Variants in MYO1D observed in about 807,000 individuals in gnomAD.
The protein encoded by MYO1D is myosin ID.
A neutral mutation model predicts 122.0 loss-of-function variants in MYO1D; 83 were observed. That is an observed-to-expected ratio of 0.68 (90% CI 0.57 to 0.82). The LOEUF is 0.82. Ranked by LOEUF, MYO1D falls within the 40% of genes least tolerant of loss-of-function variation. MYO1D has a pLI of 0.00. For missense variants in MYO1D, 1,157 were observed against 1,269.5 expected, an observed-to-expected ratio of 0.91 and a Z score of 1.35; for synonymous variants, 464 against 446.9, an observed-to-expected ratio of 1.04 and a Z score of -0.48.
At chr17:32,588,881 T>G (rs1597914419) in intron 21 of MYO1D, among the ~76,000 whole-genome samples, 1 of 151,396 alleles carries the variant, frequency 6.6e-6, no homozygotes. Context: ...AGGTGGAGGG[T>G]GCAGTGAGCT....
At chr17:32,864,005 TCC>T (rs1295073475) in intron 1 of MYO1D, among the ~76,000 whole-genome samples, 3 of 132,284 alleles carry the variant, frequency 2.3e-5, no homozygotes, top group Admixed American at 1.6e-4. Context: ...AAACATTTCT[TCC>T]TTTTTTTTTT....
intron 21 of MYO1D, among the ~76,000 whole-genome samples, chr17:32,546,964 C>T (rs1202843258): frequency 6.7e-6 from 1 of 148,588 alleles, no homozygotes. Flanking sequence ...CTGGAGTGTA[C>T]AGTGGCACAA....
At chr17:32,842,069 C>A (rs2090888141) in intron 1 of MYO1D, among the ~76,000 whole-genome samples, 1 of 152,158 alleles carries the variant, frequency 6.6e-6, no homozygotes, top group Non-Finnish European at 1.5e-5. Flanking sequence ...GTAGTATTTT[C>A]TCCAGCAAGT....
At chr17:32,831,984 C>T (rs1285959292) in intron 1 of MYO1D, among the ~76,000 whole-genome samples, 2 of 152,162 alleles carry the variant, frequency 1.3e-5, no homozygotes, top group Non-Finnish European at 2.9e-5. Context: ...GGGTCCTCAT[C>T]TCAGCTCAGC....
chr17:32,687,381 T>C (rs576933686), intron 16 of MYO1D, among the ~76,000 whole-genome samples: 1 of 152,116 alleles, frequency 6.6e-6, no homozygotes, highest in South Asian at 2.1e-4. Context: ...TATTTTTCAG[T>C]GGAGACAGGG....
chr17:32,541,953 C>A (rs905753869), intron 21 of MYO1D, among the ~76,000 whole-genome samples: 13 of 152,178 alleles, frequency 8.5e-5, no homozygotes, highest in African/African-American at 3.1e-4. Context: ...CTTCACCCGG[C>A]TAATTCCTCT....
intron 12 of MYO1D, among the ~76,000 whole-genome samples, chr17:32,748,064 G>T (rs1205410585): frequency 6.6e-6 from 1 of 152,116 alleles, no homozygotes; most frequent in Non-Finnish European, 1.5e-5. Flanking sequence ...GAAAGAATAA[G>T]TTTTTGTTGA....
At chr17:32,580,894 G>T (rs1236809300) in intron 21 of MYO1D, among the ~76,000 whole-genome samples, 1 of 152,060 alleles carries the variant, frequency 6.6e-6, no homozygotes. Context: ...GCTCTTAATG[G>T]ACATTGGTCT....
At chr17:32,757,138 AGGTTTTAT>A (rs914486631) in intron 10 of MYO1D, among the ~76,000 whole-genome samples, 4 of 152,092 alleles carry the variant, frequency 2.6e-5, no homozygotes, top group Non-Finnish European at 4.4e-5. Context: ...TTAAAATCCA[AGGTTTTAT>A]GCCAGTTATT....
At chr17:32,797,523 T>C (rs2090427497) in intron 1 of MYO1D, among the ~76,000 whole-genome samples, 1 of 152,262 alleles carries the variant, frequency 6.6e-6, no homozygotes, top group African/African-American at 2.4e-5. Context: ...ATCACATTCA[T>C]ATAACTTTTA....
chr17:32,762,908 G>C (rs2151017679), intron 8 of MYO1D, among the ~76,000 whole-genome samples: 1 of 150,918 alleles, frequency 6.6e-6, no homozygotes, highest in East Asian at 1.9e-4. Context: ...CAAAAAAACG[G>C]CCGGGTGCGG....
rs150175939 is a variant in MYO1D at position 32,660,396 on chromosome 17, T to C, written c.2122-1058A>G. Among the ~76,000 whole-genome samples the C allele has an allele frequency of 3.3e-5, 5 of 152,360 alleles. 1 individual carries two copies. The East Asian group carries it at 9.6e-4, about 29-fold the overall frequency. ...TCTGCAGACTCCCTCAGGTTTCTTT[T>C]ATTTCTTCTTAAAAATCCCCGTCTG... On this transcript the variant is annotated intron_variant, in intron 16 of 21. Coordinates refer to ENST00000318217, the MANE Select transcript of MYO1D (RefSeq NM_015194.3).
intron 21 of MYO1D, among the ~76,000 whole-genome samples, chr17:32,525,045 T>C (rs1204747811): frequency 6.6e-6 from 1 of 152,220 alleles, no homozygotes. Context: ...TCAACTGTAT[T>C]TGGATTATAG....
At chr17:32,773,367 G>C (rs944942336) in intron 4 of MYO1D, among the ~76,000 whole-genome samples, 12 of 152,130 alleles carry the variant, frequency 7.9e-5, no homozygotes, top group Non-Finnish European at 1.8e-4. Context: ...GATTCGGGAA[G>C]ACAGTCTTCC....
chr17:32,789,723 T>C (rs2090331583), intron 1 of MYO1D, among the ~76,000 whole-genome samples: 1 of 152,160 alleles, frequency 6.6e-6, no homozygotes, highest in Non-Finnish European at 1.5e-5. Flanking sequence ...GGGAGAACAC[T>C]GTGCAATGAC....
intron 13 of MYO1D, among the ~76,000 whole-genome samples, chr17:32,740,865 T>C (rs2089764088): frequency 6.6e-6 from 1 of 152,066 alleles, no homozygotes; most frequent in Non-Finnish European, 1.5e-5. Context: ...ACCCAGTATG[T>C]ATAATAGGTA....
At chr17:32,854,445 C>A (rs1023176891) in intron 1 of MYO1D, among the ~76,000 whole-genome samples, 38 of 152,368 alleles carry the variant, frequency 2.5e-4, no homozygotes, top group African/African-American at 6.7e-4. Flanking sequence ...AAAGCTTGCA[C>A]ATCTAAAGGA....
chr17:32,833,499 A>G (rs1234009758), intron 1 of MYO1D, among the ~76,000 whole-genome samples: 1 of 152,152 alleles, frequency 6.6e-6, no homozygotes, highest in Non-Finnish European at 1.5e-5. Flanking sequence ...TTAAAACAGC[A>G]GCCGGAGTAA....
intron 16 of MYO1D, among the ~76,000 whole-genome samples, chr17:32,683,414 C>T (rs2088952119): frequency 6.6e-6 from 1 of 152,190 alleles, no homozygotes; most frequent in Non-Finnish European, 1.5e-5. Flanking sequence ...TGGTGATGTA[C>T]AGATGGGTTT....
Sources: allele counts gnomAD v4.1 joint callset (sites outside exome capture counted in the v4.1 genomes callset), GRCh38; gene constraint gnomAD v4.1.1; transcripts MANE v1.5; gene names NCBI Gene and HGNC (gene_info 2026-07-23, HGNC 2026-07-21).